OTUD7A: variants seen among roughly 807,000 people sequenced by gnomAD.
OTUD7A encodes the protein OTU domain-containing protein 7A.
A neutral mutation model predicts 65.7 loss-of-function variants in OTUD7A; 12 were observed. The ratio of observed to expected loss-of-function variants is 0.18; its 90% CI spans 0.12 to 0.30. The LOEUF (loss-of-function observed/expected upper bound fraction) is 0.30, where lower values mean the gene tolerates loss of function less well. Ranked by LOEUF, OTUD7A falls within the 10% of genes least tolerant of loss-of-function variation. OTUD7A has a pLI of 1.00. For synonymous variants in OTUD7A, 641 were observed against 586.3 expected (o/e 1.09, Z -1.35); for missense variants, 1,148 against 1,304.8 (o/e 0.88, Z 1.85).
In OTUD7A at chr15:31,484,615, C is replaced by G. The variant is rs2141061676; in HGVS notation, c.1481G>C (p.Ser494Thr). ...GTCCTTGCCGTTCTTGCCGTTATTG[C>G]TGTTAGAATTGCTGCACACCGAATC... The part of the protein sequence containing the change: ...DRDSVCSNSN[S>T]NNGKNGKDKE... The change falls in exon 13 of 13, where the codon AGC becomes ACC. Residue 494 changes from serine to threonine, a missense_variant. Transcript: ENST00000307050. This position sits in a 1 kb window ranked among gnomAD's most constrained non-coding sequence, Gnocchi z 4.5. 6.2e-7 allele frequency: 1 copy of G among 1,602,896 alleles called. No homozygotes were observed. The highest frequency in any genetic ancestry group is 2.2e-5 in the East Asian group (1 of 44,546).
At chr15:31,765,100 C>T (rs1199033013) in intron 1 of OTUD7A, among the ~76,000 whole-genome samples, 1 of 152,120 alleles carries the variant, frequency 6.6e-6, no homozygotes. Flanking sequence ...TTTACATCCT[C>T]ATCTTCTAAT....
At chr15:31,826,082 A>T (rs745614617) in intron 1 of OTUD7A, among the ~76,000 whole-genome samples, 1 of 152,130 alleles carries the variant, frequency 6.6e-6, no homozygotes, top group African/African-American at 2.4e-5. Flanking sequence ...TGGATCTACC[A>T]TTCTGGGGTC....
At chr15:31,580,014 C>G (rs1468929385) in intron 3 of OTUD7A, among the ~76,000 whole-genome samples, 2 of 152,166 alleles carry the variant, frequency 1.3e-5, no homozygotes, top group Non-Finnish European at 2.9e-5. Flanking sequence ...GAAAGAACCA[C>G]TATAATTTGG....
At chr15:31,564,444 T>C (rs902346460) in intron 4 of OTUD7A, among the ~76,000 whole-genome samples, 1 of 148,178 alleles carries the variant, frequency 6.7e-6, no homozygotes, top group Non-Finnish European at 1.5e-5. Context: ...AAGGAGTTAA[T>C]TGTTATCTAA....
intron 7 of OTUD7A, 133 bp from the exon 8 acceptor site, chr15:31,526,594 C>A: frequency 1.6e-6 from 1 of 625,482 alleles, no homozygotes; most frequent in Non-Finnish European, 2.7e-6. Context: ...CCAACTATAC[C>A]AACTGCACCC....
At chr15:31,766,973 T>C in intron 1 of OTUD7A, 1 of 1,611,978 alleles carries the variant, frequency 6.2e-7, no homozygotes. Context: ...CTTAACCCTA[T>C]TAAATTATGA....
chr15:31,485,907 C>G (rs1423919544), intron 12 of OTUD7A, among the ~76,000 whole-genome samples: 1 of 152,230 alleles, frequency 6.6e-6, no homozygotes, highest in African/African-American at 2.4e-5. Context: ...CCACCTCCCA[C>G]TCTGACATTC....
chr15:31,576,657 A>G (rs1269856240), intron 3 of OTUD7A, among the ~76,000 whole-genome samples: 2 of 152,186 alleles, frequency 1.3e-5, no homozygotes, highest in Non-Finnish European at 2.9e-5. Context: ...GGGCTATGTC[A>G]TGGACCATTG....
At chr15:31,783,199 TCTCAG>T (rs1481997087) in intron 1 of OTUD7A, among the ~76,000 whole-genome samples, 1 of 152,128 alleles carries the variant, frequency 6.6e-6, no homozygotes, top group Non-Finnish European at 1.5e-5. Context: ...GGAAAGAATT[TCTCAG>T]CTGTTAGAAA....
chr15:31,534,143 C>T (rs547718061), intron 5 of OTUD7A, among the ~76,000 whole-genome samples: 42 of 152,268 alleles, frequency 2.8e-4, no homozygotes, highest in Non-Finnish European at 4.4e-5. Flanking sequence ...TGCAGAGTAA[C>T]ATCTCTCATG....
At chr15:31,738,656 C>T (rs1212591484) in intron 1 of OTUD7A, among the ~76,000 whole-genome samples, 2 of 152,188 alleles carry the variant, frequency 1.3e-5, no homozygotes, top group Non-Finnish European at 2.9e-5. Flanking sequence ...TACATGCACA[C>T]GCTGCTCCTC....
intron 5 of OTUD7A, among the ~76,000 whole-genome samples, chr15:31,549,157 A>T (rs1396191657): frequency 6.7e-6 from 1 of 149,440 alleles, no homozygotes; most frequent in African/African-American, 2.5e-5. Context: ...AAAAAAAAAA[A>T]GTAGAATTCA....
intron 3 of OTUD7A, among the ~76,000 whole-genome samples, chr15:31,589,547 C>T (rs1183923381): frequency 6.7e-6 from 1 of 149,518 alleles, no homozygotes; most frequent in Non-Finnish European, 1.5e-5. Flanking sequence ...AAGGGATCTG[C>T]CTACCTCGGC....
chr15:31,714,180 C>A (rs1325553823), intron 1 of OTUD7A, among the ~76,000 whole-genome samples: 1 of 151,318 alleles, frequency 6.6e-6, no homozygotes, highest in East Asian at 1.9e-4. Context: ...CAGGAAGTAT[C>A]GCCATAGGAC....
chr15:31,569,986 G>T, intron 4 of OTUD7A, 32 bp downstream of exon 4: 1 of 1,609,840 alleles, frequency 6.2e-7, no homozygotes, highest in African/African-American at 1.3e-5. Flanking sequence ...TGGCCTGGGC[G>T]GCTGTGCCTA....
intron 3 of OTUD7A, among the ~76,000 whole-genome samples, chr15:31,609,597 G>A (rs1212813662): frequency 2.6e-5 from 4 of 152,052 alleles, no homozygotes; most frequent in African/African-American, 4.8e-5. Flanking sequence ...GCTCAGACAC[G>A]CCTAGCCCTG....
At chr15:31,753,702 T>TATATAA (rs1206556359) in intron 1 of OTUD7A, among the ~76,000 whole-genome samples, 6 of 11,188 alleles carry the variant, frequency 5.4e-4, no homozygotes, top group African/African-American at 6.8e-4. Flanking sequence ...TATATATATA[T>TATATAA]TATATATATA....
chr15:31,804,993 A>C (rs974900516), intron 1 of OTUD7A, among the ~76,000 whole-genome samples: 1 of 152,222 alleles, frequency 6.6e-6, no homozygotes, highest in Non-Finnish European at 1.5e-5. Flanking sequence ...GCAAGGAAGA[A>C]GACAGGCATC....
chr15:31,644,352 C>A (rs1336190246), intron 3 of OTUD7A, among the ~76,000 whole-genome samples: 5 of 152,130 alleles, frequency 3.3e-5, no homozygotes, highest in Non-Finnish European at 7.4e-5. Flanking sequence ...TTGGTGTGGC[C>A]GTGTCCTTGA....
Sources: allele counts gnomAD v4.1 joint callset (sites outside exome capture counted in the v4.1 genomes callset), GRCh38; gene constraint gnomAD v4.1.1; non-coding constraint Gnocchi (gnomAD v3.1); transcripts MANE v1.5; gene names NCBI Gene and HGNC (gene_info 2026-07-23, HGNC 2026-07-21).